PFN2: variants seen among roughly 807,000 people sequenced by gnomAD.
PFN2 encodes profilin 2, also known as profilin-2.
Under a neutral mutation model 15.3 loss-of-function variants are expected in PFN2, and 8 were observed. The ratio of observed to expected loss-of-function variants is 0.52; its 90% CI spans 0.31 to 0.95. PFN2 has a LOEUF of 0.95. Ranked by LOEUF, PFN2 falls within the 40% of genes least tolerant of loss-of-function variation. The pLI is 0.05. For missense variants in PFN2, 111 were observed against 182.3 expected (o/e 0.61, Z 2.25); for synonymous variants, 79 against 67.9 (o/e 1.16, Z -0.81).
At position 149,966,154 on chromosome 3, in the gene PFN2, G is replaced by A. The variant is rs967337384; in HGVS notation, c.*335C>T. 2 of 1,611,052 alleles carry A rather than the reference G, an allele frequency of 1.2e-6. No homozygotes were observed. Among genetic ancestry groups the A allele is most frequent in the Admixed American group, 1.7e-5 (1 of 59,504 alleles). On this transcript the variant is annotated 3_prime_UTR_variant, in exon 3 of 3. Transcript: ENST00000239940. ...TGATGAAGACAGTTGCTAGGTAGAT[G>A]GGGAGAGGCTGCTTACACATCAGAC...
chr3:149,965,769 A>C lies in PFN2; in HGVS notation c.*720T>G. The C allele has an allele frequency of 9.5e-7, 1 of 1,051,036 alleles. No homozygotes were observed. The highest frequency in any genetic ancestry group is 1.1e-6 in the Non-Finnish European group (1 of 871,894). 65.1% of individuals were successfully genotyped at this position (1,051,036 alleles called of 1,614,324 possible). On this transcript the variant is annotated 3_prime_UTR_variant, in exon 3 of 3. Transcript: ENST00000239940. ...ATGCATGCACTTTTTCCTCCCAACC[A>C]TGCGCTACAAAAGGAAGACTAAATG...
rs1033482359 is a variant in PFN2, at chr3:149,965,434, G to A, written c.*1055C>T. On this transcript the variant is annotated 3_prime_UTR_variant, in exon 3 of 3. Coordinates refer to ENST00000239940, the MANE Select transcript of PFN2 (RefSeq NM_053024.4). ...AAAAGGAAGAAAAATCTGAGCTATT[G>A]CAATGATGGAATGTCCCTGGGGATT... The A allele has an allele frequency of 2.8e-6, 4 of 1,442,958 alleles. No individual in the cohort carries two copies. In the African/African-American group the frequency reaches 4.3e-5, roughly 16 times the overall value. 89.4% of individuals were successfully genotyped at this position (1,442,958 alleles called of 1,614,324 possible).
intron 2 of PFN2, 130 bp from the exon 3 acceptor site, chr3:149,966,716 G>A (rs1183304178): frequency 2.9e-6 from 2 of 696,926 alleles, no homozygotes; most frequent in Non-Finnish European, 5.0e-6. Flanking sequence ...AAGCACTGAA[G>A]TCAAGTAGGT....
At chr3:149,969,313 G>A (rs1390106052) in intron 1 of PFN2, among the ~76,000 whole-genome samples, 2 of 152,156 alleles carry the variant, frequency 1.3e-5, no homozygotes, top group African/African-American at 4.8e-5. Flanking sequence ...ACCAGAACCG[G>A]AAAGGAGAAA....
Position 149,965,929 on chromosome 3 carries a change from G to A in PFN2, c.*560C>T. On this transcript the variant is annotated 3_prime_UTR_variant, in exon 3 of 3. Coordinates refer to ENST00000239940, the MANE Select transcript of PFN2 (RefSeq NM_053024.4). Reference sequence around the variant, plus strand: ...GACAAAGTGATGCCCAACTTGGCATGCCCCCTCCCCCCAATTTCAAGGTAT... The same window carrying A: ...GACAAAGTGATGCCCAACTTGGCATACCCCCTCCCCCCAATTTCAAGGTAT... The A allele has an allele frequency of 7.6e-7, 1 of 1,316,354 alleles. No homozygotes were observed. The highest frequency in any genetic ancestry group is 9.7e-7 in the Non-Finnish European group (1 of 1,035,918). 81.5% of individuals were successfully genotyped at this position (1,316,354 alleles called of 1,614,324 possible).
At position 149,965,891 on chromosome 3, in the gene PFN2, C is replaced by A; in HGVS notation, c.*598G>T. 8.0e-7 allele frequency: 1 copy of A among 1,256,110 alleles called. No homozygotes were observed. Among genetic ancestry groups the A allele is most frequent in the Non-Finnish European group, 1.0e-6 (1 of 999,122 alleles). The allele number at this position is 1,256,110 out of a possible 1,614,324, so 77.8% of individuals were successfully genotyped here. A position where few individuals can be genotyped will look rare whatever the true frequency, so the allele number is the denominator to read the frequency against. On this transcript the variant is annotated 3_prime_UTR_variant, in exon 3 of 3. Transcript: ENST00000239940. The stretch of plus-strand genomic sequence containing the variant: ...TAACTTATTTTAGTAATCAATATCC[C>A]ATTAATTGCTAAGACAAAGTGATGC...
intron 1 of PFN2, among the ~76,000 whole-genome samples, chr3:149,969,253 T>C (rs1036946871): frequency 3.9e-5 from 6 of 152,074 alleles, no homozygotes; most frequent in Non-Finnish European, 7.4e-5. Flanking sequence ...CGGTAGGCAA[T>C]AGTAAAACAG....
Position 149,965,992 on chromosome 3 carries a change from A to AT in PFN2, c.*496dup. On this transcript the variant is annotated 3_prime_UTR_variant, in exon 3 of 3. Transcript: ENST00000239940. ...TATTGTGCTGCAATTATGTTGCCAG[A>AT]TAAGGGTTGGTTACATACAGTGGTT... is the stretch of plus-strand genomic sequence containing the variant. The AT allele has an allele frequency of 2.2e-6, 3 of 1,389,576 alleles. No homozygotes were observed. Among genetic ancestry groups the AT allele is most frequent in the Middle Eastern group, 4.9e-4 (2 of 4,054 alleles). 86.1% of individuals were successfully genotyped at this position (1,389,576 alleles called of 1,614,324 possible).
intron 1 of PFN2, chr3:149,970,519 C>A (rs1576620937): frequency 2.6e-6 from 1 of 391,196 alleles, no homozygotes. Flanking sequence ...GGCCGCCGCC[C>A]CCAGCCTGTC....
chr3:149,968,545 T>C lies in PFN2; in HGVS notation c.138A>G (p.Ile46Met). The change falls in exon 2 of 3, where the codon ATA (isoleucine) becomes ATG (methionine). Residue 46 changes from isoleucine (I) to methionine (M), a missense_variant. This residue lies in a region of PFN2 where 64 missense variants were observed against 69.7 expected (regional missense o/e 0.92). Transcript: ENST00000239940. ...AGGVFQSITP[I>M]EIDMIVGKDR... Reference sequence around the variant, plus strand: ...CTTTTCCTACAATCATATCTATTTCTATTGGCTGCCCCCCACCAAAAAGAA... The same window carrying C: ...CTTTTCCTACAATCATATCTATTTCCATTGGCTGCCCCCCACCAAAAAGAA... The C allele has an allele frequency of 1.9e-6, 3 of 1,590,414 alleles. No individual in the cohort carries two copies. Among genetic ancestry groups the C allele is most frequent in the Non-Finnish European group, 2.6e-6 (3 of 1,173,430 alleles).
Position 149,966,595 on chromosome 3 carries a change from GAA to G in PFN2, c.326-11_326-10del. Reference sequence around the variant, plus strand: ...CATTACAAAGACCAAGACTGAAAGAGAAAGAAGAAAAGTGTTTCAAAAGAAGT... The same window carrying G: ...CATTACAAAGACCAAGACTGAAAGAGAGAAGAAAAGTGTTTCAAAAGAAGT... On this transcript the variant is annotated splice_polypyrimidine_tract_variant and intron_variant, in intron 2 of 2. Transcript: ENST00000239940. 6.3e-7 allele frequency: 1 copy of G among 1,597,058 alleles called. No individual in the cohort carries two copies.
intron 2 of PFN2, among the ~76,000 whole-genome samples, chr3:149,966,805 G>T (rs949134460): frequency 1.3e-5 from 2 of 151,454 alleles, no homozygotes; most frequent in African/African-American, 4.9e-5. Flanking sequence ...GCCAATCAAT[G>T]CAAGCAAAAG....
intron 1 of PFN2, 142 bp downstream of exon 1, chr3:149,970,583 G>A (rs1196077376): frequency 1.2e-6 from 1 of 818,326 alleles, no homozygotes; most frequent in Non-Finnish European, 1.6e-6. Flanking sequence ...CCGCCCGCCC[G>A]GCAGCCGCAT....
At position 149,970,725 on chromosome 3, in the gene PFN2, C is replaced by G; in HGVS notation, c.132G>C (p.Thr44=). The G allele has an allele frequency of 6.6e-7, 1 of 1,513,602 alleles. No homozygotes were observed. The highest frequency in any genetic ancestry group is 8.9e-7 in the Non-Finnish European group (1 of 1,127,098). 93.8% of individuals were successfully genotyped at this position (1,513,602 alleles called of 1,614,324 possible). A position where few individuals can be genotyped will look rare whatever the true frequency, so the allele number is the denominator to read the frequency against. Residue 44 remains threonine, a splice_region_variant and synonymous_variant, in exon 1 of 3, where the codon ACG becomes ACC. Coordinates refer to ENST00000239940, the MANE Select transcript of PFN2 (RefSeq NM_053024.4). ...GGTACCGGCCGCCACTGGTCCTCAC[C>G]GTAATGCTCTGAAAGACGCCCCCGG... is the stretch of plus-strand genomic sequence containing the variant. ...ATAGGVFQSI[T]PIEIDMIVGK... is the part of the protein sequence containing the mutation.
rs896563730 is a variant in PFN2 at position 149,965,598 on chromosome 3, A to T, written c.*891T>A. ...AGTGCAACAACAATACTAAAAGCAA[A>T]CTACTGCAGCTCTCAATAGCTCATC... On this transcript the variant is annotated 3_prime_UTR_variant, in exon 3 of 3. Transcript: ENST00000239940. The T allele has an allele frequency of 1.7e-6, 2 of 1,180,424 alleles. No individual in the cohort carries two copies. Among genetic ancestry groups the T allele is most frequent in the Non-Finnish European group, 2.1e-6 (2 of 954,306 alleles). The allele number at this position is 1,180,424 out of a possible 1,614,324, so 73.1% of individuals were successfully genotyped here. A position where few individuals can be genotyped will look rare whatever the true frequency, so the allele number is the denominator to read the frequency against.
chr3:149,965,063 A>T lies in PFN2; in HGVS notation c.*1426T>A. On this transcript the variant is annotated 3_prime_UTR_variant, in exon 3 of 3. Coordinates refer to ENST00000239940, the MANE Select transcript of PFN2 (RefSeq NM_053024.4). ...CAAATCAGCAACAAGATTTGTTTTT[A>T]AATCTGTACATTATCCACAAGGCCC... 1.8e-6 allele frequency: 1 copy of T among 564,376 alleles called. No individual in the cohort carries two copies. The highest frequency in any genetic ancestry group is 3.0e-6 in the Non-Finnish European group (1 of 334,128). The allele number at this position is 564,376 out of a possible 1,614,324, so 35.0% of individuals were successfully genotyped here. A position where few individuals can be genotyped will look rare whatever the true frequency, so the allele number is the denominator to read the frequency against.
Position 149,970,624 on chromosome 3 carries a change from G to C in PFN2, c.132+101C>G, listed in dbSNP as rs879540227. ...GCGCCCGCTGCCTAGCACACCTGCG[G>C]GCTCGGCCCTCAGTGTTCCAGCCCC... On this transcript the variant is annotated intron_variant, in intron 1 of 2. Transcript: ENST00000239940. 256 of 1,215,654 alleles carry C rather than the reference G, an allele frequency of 2.1e-4. 1 individual carries two copies. Among genetic ancestry groups the C allele is most frequent in the Non-Finnish European group, 2.5e-4 (235 of 932,268 alleles). 75.3% of individuals were successfully genotyped at this position (1,215,654 alleles called of 1,614,324 possible).
intron 1 of PFN2, among the ~76,000 whole-genome samples, chr3:149,969,778 T>C (rs1722795506): frequency 6.6e-6 from 1 of 152,122 alleles, no homozygotes; most frequent in African/African-American, 2.4e-5. Context: ...GTGGCAAATA[T>C]TCTCCAAACA....
chr3:149,965,936 C>T lies in PFN2; in HGVS notation c.*553G>A, dbSNP rs922118471. 7 of 1,320,514 alleles carry T rather than the reference C, an allele frequency of 5.3e-6. No homozygotes were observed. The African/African-American group carries it at 9.0e-5, about 17-fold the overall frequency. The allele number at this position is 1,320,514 out of a possible 1,614,324, so 81.8% of individuals were successfully genotyped here. A position where few individuals can be genotyped will look rare whatever the true frequency, so the allele number is the denominator to read the frequency against. On this transcript the variant is annotated 3_prime_UTR_variant, in exon 3 of 3. Transcript: ENST00000239940. ...TGATGCCCAACTTGGCATGCCCCCT[C>T]CCCCCAATTTCAAGGTATCATGCAA...
Sources: gnomAD v4.1 joint callset for allele counts (sites outside exome capture counted in the v4.1 genomes callset) on GRCh38, gnomAD v4.1.1 for gene constraint, gnomAD v4.1.1 regional missense constraint, MANE v1.5 for transcripts, NCBI Gene and HGNC (gene_info 2026-07-23, HGNC 2026-07-21) for gene names.